Variants in CYREN observed in about 807,000 individuals in gnomAD.
The protein encoded by CYREN is cell cycle regulator of non-homologous end joining.
A neutral mutation model predicts 9.7 loss-of-function variants in CYREN; 7 were observed. The ratio of observed to expected loss-of-function variants is 0.72; its 90% CI spans 0.41 to 1.36. The LOEUF (loss-of-function observed/expected upper bound fraction) is 1.36. Ranked by LOEUF, CYREN falls within the 40% of genes most tolerant of loss-of-function variation. CYREN has a pLI of 0.01. For synonymous variants in CYREN, 76 were observed against 77.9 expected (o/e 0.98, Z 0.13); for missense variants, 215 against 198.1 (o/e 1.09, Z -0.51).
chr7:135,128,363 G>T, intron 2 of CYREN: 1 of 393,252 alleles, frequency 2.5e-6, no homozygotes, highest in Non-Finnish European at 4.6e-6. Flanking sequence ...AAACTGTCAT[G>T]GCCCTGGTGG....
rs534433035 is a variant in CYREN at position 135,156,111 on chromosome 7, C to T, written n.356+12638G>A. Among the ~76,000 whole-genome samples the T allele has an allele frequency of 2.2e-4, 33 of 152,142 alleles. 1 individual carries two copies. The South Asian group carries it at 6.9e-3, about 32-fold the overall frequency. The stretch of plus-strand genomic sequence containing the variant: ...TGTAAGAATTCTGCTGAAAAGTCCT[C>T]AATTGGTCTGATGAGATTTGGGATT... On this transcript the variant is annotated intron_variant and non_coding_transcript_variant, in intron 2 of 2. Coordinates refer to the CYREN transcript ENST00000459937.
At chr7:135,171,073 T>C (rs542776544), upstream of CYREN, among the ~76,000 whole-genome samples, 8 of 152,256 alleles carry the variant, frequency 5.3e-5, no homozygotes, top group Non-Finnish European at 1.2e-4. Context: ...CAGGCCCCCC[T>C]CGTGTGCTTG....
chr7:135,140,174 T>C (rs902476335), intron 2 of CYREN, among the ~76,000 whole-genome samples: 5 of 152,178 alleles, frequency 3.3e-5, no homozygotes, highest in African/African-American at 1.2e-4. Context: ...TTTAACAATA[T>C]CGATTCTTCC....
downstream of CYREN, among the ~76,000 whole-genome samples, chr7:135,163,199 A>G (rs1314850814): frequency 3.3e-5 from 5 of 152,254 alleles, no homozygotes; most frequent in African/African-American, 1.2e-4. Context: ...GCTTTGAAAA[A>G]TGTTTACTAA....
At chr7:135,155,164 C>T (rs1291319350) in intron 2 of CYREN, among the ~76,000 whole-genome samples, 3 of 152,080 alleles carry the variant, frequency 2.0e-5, no homozygotes, top group Admixed American at 2.0e-4. Context: ...TGCCTGCTTG[C>T]TTTTGGTTTA....
chr7:135,148,056 A>C, intron 2 of CYREN: 1 of 456,252 alleles, frequency 2.2e-6, no homozygotes, highest in South Asian at 1.5e-5. Flanking sequence ...CAGTCAGAAC[A>C]AATGTACCAA....
At chr7:135,102,951 A>T (rs777170269) in intron 2 of CYREN, among the ~76,000 whole-genome samples, 3 of 152,232 alleles carry the variant, frequency 2.0e-5, no homozygotes, top group Admixed American at 6.5e-5. Flanking sequence ...ATTCTCTTTA[A>T]AAGACACTGT....
intron 2 of CYREN, among the ~76,000 whole-genome samples, chr7:135,145,741 A>G (rs553898615): frequency 6.6e-6 from 1 of 152,280 alleles, no homozygotes; most frequent in African/African-American, 2.4e-5. Flanking sequence ...TGTAAATGGT[A>G]TTTACAGGCA....
At chr7:135,107,772 T>C (rs1824967793) in intron 2 of CYREN, among the ~76,000 whole-genome samples, 2 of 152,320 alleles carry the variant, frequency 1.3e-5, no homozygotes, top group South Asian at 2.1e-4. Flanking sequence ...AATATCTTTG[T>C]GAATTTTCTG....
chr7:135,166,839 C>T lies in CYREN; in HGVS notation c.246G>A (p.Pro82=), dbSNP rs574867598. The part of the protein sequence containing the change: ...SRKQEKACEQ[P]ALAGADNPEH... ...CTGGGTTATCAGCCCCCGCCAGGGC[C>T]GGCTGCTCGCAGGCCTTTTCCTGTT... The change falls in exon 4 of 4, where the codon CCG becomes CCA. Residue 82 remains proline, a synonymous_variant. Coordinates refer to ENST00000393114, the MANE Select transcript of CYREN (RefSeq NM_024033.4). 2.7e-5 allele frequency: 43 copies of T among 1,614,050 alleles called. No individual in the cohort carries two copies. The highest frequency in any genetic ancestry group is 2.5e-4 in the South Asian group (23 of 91,078).
Position 135,094,087 on chromosome 7 carries a change from T to C in CYREN, n.852A>G, listed in dbSNP as rs758230031. On this transcript the variant is annotated non_coding_transcript_exon_variant, in exon 3 of 3. Transcript: ENST00000459937. ...TGGCCGTGTTCCTTATACCATACAC[T>C]AAAAATAATAAAAAATGGATCACAG... 2.5e-5 allele frequency: 7 copies of C among 280,268 alleles called. 1 individual carries two copies. Among genetic ancestry groups the C allele is most frequent in the Non-Finnish European group, 4.9e-5 (7 of 143,408 alleles). 17.4% of individuals were successfully genotyped at this position (280,268 alleles called of 1,614,324 possible).
chr7:135,164,647 A>G (rs771052953), downstream of CYREN: 1 of 1,613,220 alleles, frequency 6.2e-7, no homozygotes, highest in Non-Finnish European at 8.5e-7. Flanking sequence ...CAGTTCCCTG[A>G]GCTGGAAGCC....
At chr7:135,144,350 C>T (rs1829504859) in intron 2 of CYREN, among the ~76,000 whole-genome samples, 1 of 152,136 alleles carries the variant, frequency 6.6e-6, no homozygotes, top group African/African-American at 2.4e-5. Flanking sequence ...ATATGTTGCC[C>T]AGAGGAGAGG....
chr7:135,131,323 G>A (rs570327295), intron 2 of CYREN, among the ~76,000 whole-genome samples: 1 of 152,080 alleles, frequency 6.6e-6, no homozygotes, highest in East Asian at 1.9e-4. Flanking sequence ...CGGGGTGAGG[G>A]GTGAGGGGAG....
At chr7:135,102,625 GTT>G (rs57957640) in intron 2 of CYREN, among the ~76,000 whole-genome samples, 1 of 145,130 alleles carries the variant, frequency 6.9e-6, no homozygotes. Context: ...TTCTCTTGTG[GTT>G]TTTTTTTTTT....
intron 2 of CYREN, among the ~76,000 whole-genome samples, chr7:135,134,640 T>C (rs6953478): frequency 0.49 from 73,613 of 151,668 alleles, 18,223 homozygotes; most frequent in South Asian, 0.66. Flanking sequence ...TCTAGGCATT[T>C]AGAAATACAG....
rs996023342 is a variant in CYREN at position 135,157,149 on chromosome 7, CAT to C, written n.356+11598_356+11599del. Among the ~76,000 whole-genome samples the C allele has an allele frequency of 4.8e-4, 73 of 152,338 alleles. 1 individual carries two copies. Among genetic ancestry groups the C allele is most frequent in the African/African-American group, 1.7e-3 (70 of 41,576 alleles). ...ATGGTGTCATGTTTCTCTGCTTTTA[CAT>C]GTTTCCTGTATCCTTCCATTGATTT... On this transcript the variant is annotated intron_variant and non_coding_transcript_variant, in intron 2 of 2. Coordinates refer to the CYREN transcript ENST00000459937.
chr7:135,101,344 T>G, intron 2 of CYREN: 1 of 423,946 alleles, frequency 2.4e-6, no homozygotes, highest in Admixed American at 2.6e-5. Context: ...ATATCATCAT[T>G]AACATATCCT....
At chr7:135,140,383 G>C (rs562978515) in intron 2 of CYREN, among the ~76,000 whole-genome samples, 2 of 150,510 alleles carry the variant, frequency 1.3e-5, no homozygotes, top group South Asian at 4.2e-4. Context: ...TGGTGTATAA[G>C]AATGCTATTG....
Sources: allele counts gnomAD v4.1 joint callset (sites outside exome capture counted in the v4.1 genomes callset), GRCh38; gene constraint gnomAD v4.1.1; transcripts MANE v1.5; gene names NCBI Gene and HGNC (gene_info 2026-07-23, HGNC 2026-07-21).